The following CACNA1D variants were observed in gnomAD, a reference collection of about 807,000 sequenced individuals.
The protein encoded by CACNA1D is calcium voltage-gated channel subunit alpha1 D.
Under a neutral mutation model 257.1 loss-of-function variants are expected in CACNA1D, and 55 were observed. The ratio of observed to expected loss-of-function variants is 0.21; its 90% confidence interval spans 0.17 to 0.27. The LOEUF is 0.27. CACNA1D is among the 10% of genes least tolerant of loss of function. The pLI, the probability that CACNA1D is intolerant of heterozygous loss-of-function variation, is 1.00. For missense variants in CACNA1D, 1,876 were observed against 2,784.0 expected, an observed-to-expected ratio of 0.67 and a Z score of 7.34; for synonymous variants, 980 against 1,014.9, an observed-to-expected ratio of 0.97 and a Z score of 0.65.
chr3:53,764,827 C>T (rs2095323546), intron 30 of CACNA1D, among the ~76,000 whole-genome samples: 1 of 152,202 alleles, frequency 6.6e-6, no homozygotes, highest in Admixed American at 6.5e-5. Flanking sequence ...TTTCAGGGGG[C>T]CCCTTCTTGG....
At chr3:53,557,642 A>G (rs2092671167) in intron 3 of CACNA1D, among the ~76,000 whole-genome samples, 1 of 152,208 alleles carries the variant, frequency 6.6e-6, no homozygotes, top group African/African-American at 2.4e-5. Flanking sequence ...TCCTTTCTCA[A>G]CTGAATTATC....
rs370729429 is a variant in CACNA1D at position 53,803,601 on chromosome 3, G to C, written c.5585+29G>C. ...AGCTGCTCTGGCTCCTGTGGAGAGCGGGAGGCCGCCCTGCCCTGGTGCTCG... is the reference window on the plus strand; with the variant it reads ...AGCTGCTCTGGCTCCTGTGGAGAGCCGGAGGCCGCCCTGCCCTGGTGCTCG... On this transcript the variant is annotated intron_variant, in intron 44 of 47. Transcript: ENST00000350061. The C allele has an allele frequency of 3.7e-6, 6 of 1,610,504 alleles. No individual in the cohort carries two copies. The Admixed American group carries it at 8.3e-5, about 22-fold the overall frequency.
intron 38 of CACNA1D, among the ~76,000 whole-genome samples, chr3:53,780,536 G>A (rs1282032934): frequency 6.6e-6 from 1 of 152,226 alleles, no homozygotes; most frequent in Non-Finnish European, 1.5e-5. Flanking sequence ...ATACGGGGAT[G>A]TCTAGGAGGT....
rs926357051 is a variant in CACNA1D, at chr3:53,725,423, C to T, written c.2100+1424C>T. Among the ~76,000 whole-genome samples the T allele has an allele frequency of 1.2e-4, 18 of 152,150 alleles. No homozygotes were observed. The East Asian group carries it at 2.1e-3, about 18-fold the overall frequency. The stretch of plus-strand genomic sequence containing the variant: ...GGGCTCCAGTAGGTGACCCTGAACA[C>T]GCATCAGAGGGCACATGTGTTGGCT... On this transcript the variant is annotated intron_variant, in intron 14 of 47. Coordinates refer to ENST00000350061, the MANE Select transcript of CACNA1D (RefSeq NM_001128840.3).
intron 7 of CACNA1D, among the ~76,000 whole-genome samples, chr3:53,670,051 A>T (rs2094307631): frequency 6.6e-6 from 1 of 152,224 alleles, no homozygotes; most frequent in African/African-American, 2.4e-5. Context: ...CCAGATAAAT[A>T]ATTTCGGTGT....
chr3:53,600,632 T>G (rs2093429670), intron 3 of CACNA1D, among the ~76,000 whole-genome samples: 1 of 152,228 alleles, frequency 6.6e-6, no homozygotes, highest in Non-Finnish European at 1.5e-5. Flanking sequence ...ATCTGCTTAT[T>G]ATAATGTATT....
chr3:53,693,565 A>G (rs984865717), intron 8 of CACNA1D, among the ~76,000 whole-genome samples: 2 of 152,134 alleles, frequency 1.3e-5, no homozygotes, highest in South Asian at 2.1e-4. Context: ...CTTTGAATCA[A>G]ACTACATTTG....
At chr3:53,581,075 A>G (rs2093124350) in intron 3 of CACNA1D, among the ~76,000 whole-genome samples, 1 of 152,228 alleles carries the variant, frequency 6.6e-6, no homozygotes, top group Admixed American at 6.5e-5. Flanking sequence ...TGCTGTCTAA[A>G]TGGGGCTAAT....
rs770605004 is a variant in CACNA1D at position 53,811,135 on chromosome 3, G to A, written c.6215G>A (p.Gly2072Glu). ...CAGGTCCTGATATCCGAAGGCTTGG[G>A]ACGCTATGCAAGGGACCCAAAATTT... ...VEAVLISEGL[G>E]RYARDPKFVS... The change falls in exon 48 of 48, where the codon GGA becomes GAA. Residue 2072 changes from glycine (G) to glutamate (E), a missense_variant. By Grantham distance (98) the Gly-to-Glu change is moderately conservative (BLOSUM62 -2). Coordinates refer to ENST00000350061, the MANE Select transcript of CACNA1D (RefSeq NM_001128840.3). This position sits in a 1 kb window ranked among gnomAD's most constrained non-coding sequence, Gnocchi z 4.2. The A allele has an allele frequency of 8.9e-5, 144 of 1,613,910 alleles. No homozygotes were observed. The highest frequency in any genetic ancestry group is 1.2e-4 in the Non-Finnish European group (143 of 1,179,982).
chr3:53,683,991 A>T (rs572600607), intron 8 of CACNA1D, among the ~76,000 whole-genome samples: 1 of 152,224 alleles, frequency 6.6e-6, no homozygotes, highest in Non-Finnish European at 1.5e-5. Flanking sequence ...TCAAATTTAG[A>T]TGGCTGAAAG....
intron 28 of CACNA1D, 108 bp downstream of exon 28, chr3:53,752,015 C>T: frequency 9.3e-7 from 1 of 1,074,698 alleles, no homozygotes. Flanking sequence ...TTTGATTTTT[C>T]TGATGAGTCT....
At chr3:53,803,245 G>C (rs577527077) in intron 43 of CACNA1D, among the ~76,000 whole-genome samples, 178 bp from the exon 44 acceptor site, 20 of 152,278 alleles carry the variant, frequency 1.3e-4, no homozygotes, top group African/African-American at 3.8e-4. Flanking sequence ...CACACACACA[G>C]ACACACACAC....
rs1418644066 is a variant in CACNA1D at position 53,731,140 on chromosome 3, C to T, written c.2400C>T (p.Asp800=). ...KPEVNQIANS[D]NKVTIDDYRE... is the part of the protein sequence containing the mutation. ...AAGTCAACCAGATAGCCAACAGTGA[C>T]AACAAGGTATGTATTCTAAGATGCT... is the stretch of plus-strand genomic sequence containing the variant. Residue 800 remains aspartate, a synonymous_variant, in exon 17 of 48, where the codon GAC becomes GAT. Transcript: ENST00000350061. 2 of 1,603,966 alleles carry T rather than the reference C, an allele frequency of 1.2e-6. No individual in the cohort carries two copies. Among genetic ancestry groups the T allele is most frequent in the African/African-American group, 1.3e-5 (1 of 74,690 alleles).
chr3:53,813,354 T>TGTC lies in CACNA1D; in HGVS notation c.*1949_*1951dup, dbSNP rs2095609069. The TGTC allele has an allele frequency of 6.6e-6, 1 of 152,232 alleles. No homozygotes were observed. Among genetic ancestry groups the TGTC allele is most frequent in the Non-Finnish European group, 1.5e-5 (1 of 68,042 alleles). The allele number at this position is 152,232 out of a possible 1,614,324, so 9.4% of individuals were successfully genotyped here. A position where few individuals can be genotyped will look rare whatever the true frequency, so the allele number is the denominator to read the frequency against. On this transcript the variant is annotated 3_prime_UTR_variant, in exon 48 of 48. Transcript: ENST00000350061. Reference sequence around the variant, plus strand: ...CTTGGGAGTGCTCCTTGCACAGAGCTGTCATTTGCCAGTGAGAGCCTCCGA... The same window carrying TGTC: ...CTTGGGAGTGCTCCTTGCACAGAGCTGTCGTCATTTGCCAGTGAGAGCCTCCGA...
At chr3:53,584,393 C>A (rs2107767607) in intron 3 of CACNA1D, among the ~76,000 whole-genome samples, 1 of 152,304 alleles carries the variant, frequency 6.6e-6, no homozygotes, top group African/African-American at 2.4e-5. Flanking sequence ...GATTGATGTT[C>A]CTGATTCCTC....
At chr3:53,608,572 C>T (rs1475975131) in intron 3 of CACNA1D, among the ~76,000 whole-genome samples, 1 of 152,128 alleles carries the variant, frequency 6.6e-6, no homozygotes. Context: ...TAGGGGAAAG[C>T]ACTCATTTCT....
chr3:53,732,092 C>A lies in CACNA1D; in HGVS notation c.2473+10C>A. 1 of 1,603,290 alleles carries A rather than the reference C, an allele frequency of 6.2e-7. No individual in the cohort carries two copies. Among genetic ancestry groups the A allele is most frequent in the Non-Finnish European group, 8.5e-7 (1 of 1,170,166 alleles). On this transcript the variant is annotated intron_variant, in intron 18 of 47. Transcript: ENST00000350061. ...CCTTGCGATGTGCCAGGTATGGTGG[C>A]GGAGGCCGGAGACGCTGGCTTTGCT...
In CACNA1D at chr3:53,800,720, T is replaced by G. The variant is rs2095532265; in HGVS notation, c.5041-338T>G. The G allele has an allele frequency of 4.0e-6, 2 of 498,350 alleles. No homozygotes were observed. The highest frequency in any genetic ancestry group is 7.3e-6 in the Non-Finnish European group (2 of 273,464). 30.9% of individuals were successfully genotyped at this position (498,350 alleles called of 1,614,324 possible). On this transcript the variant is annotated intron_variant, in intron 41 of 47. Coordinates refer to ENST00000350061, the MANE Select transcript of CACNA1D (RefSeq NM_001128840.3). This position sits in a 1 kb window ranked among gnomAD's most constrained non-coding sequence, Gnocchi z 4.3. ...AGCTCTTTGATCTGCCAGCTGGCTG[T>G]CAGTCCCCCAGCCCAGAGAGCATGC...
At chr3:53,605,520 G>A (rs1246694602) in intron 3 of CACNA1D, among the ~76,000 whole-genome samples, 1 of 152,156 alleles carries the variant, frequency 6.6e-6, no homozygotes, top group Non-Finnish European at 1.5e-5. Flanking sequence ...ATTTCTATAA[G>A]GATAATGAAT....
Sources: gnomAD v4.1 joint callset for allele counts (sites outside exome capture counted in the v4.1 genomes callset) on GRCh38, gnomAD v4.1.1 for gene constraint, Gnocchi (gnomAD v3.1) non-coding constraint, MANE v1.5 for transcripts, NCBI Gene and HGNC (gene_info 2026-07-23, HGNC 2026-07-21) for gene names.